The following MECOM variants were observed in gnomAD, a reference collection of about 807,000 sequenced individuals.
The protein encoded by MECOM is MDS1 and EVI1 complex locus.
MECOM carries 13 observed loss-of-function variants against 116.3 expected under a neutral mutation model. The observed-to-expected ratio is 0.11, with a 90% confidence interval of 0.07 to 0.18. The LOEUF is 0.18. Ranked by LOEUF, MECOM falls within the 10% of genes least tolerant of loss-of-function variation. MECOM has a pLI of 1.00. For missense variants in MECOM, 1,299 were observed against 1,509.0 expected (o/e 0.86, Z 2.31); for synonymous variants, 528 against 535.2 (o/e 0.99, Z 0.19).
At chr3:169,260,799 T>C (rs1757440225) in intron 2 of MECOM, among the ~76,000 whole-genome samples, 2 of 152,238 alleles carry the variant, frequency 1.3e-5, no homozygotes, top group South Asian at 4.1e-4. Context: ...TAAATATTTA[T>C]CCCTAAAGTT....
intron 1 of MECOM, among the ~76,000 whole-genome samples, chr3:169,485,915 G>T (rs1260239818): frequency 2.2e-5 from 1 of 45,628 alleles, no homozygotes; most frequent in African/African-American, 1.0e-4. Context: ...ATATATGTAT[G>T]TATATATAGT....
chr3:169,508,022 C>G (rs1344944503), intron 1 of MECOM, among the ~76,000 whole-genome samples: 1 of 152,072 alleles, frequency 6.6e-6, no homozygotes, highest in Non-Finnish European at 1.5e-5. Context: ...AATCACAGTT[C>G]AATCCATGGA....
chr3:169,528,360 T>C (rs1758195429), intron 1 of MECOM, among the ~76,000 whole-genome samples: 1 of 152,198 alleles, frequency 6.6e-6, no homozygotes, highest in Non-Finnish European at 1.5e-5. Flanking sequence ...ACTTGAAGAA[T>C]GAGTAAATCA....
At chr3:169,266,597 A>G (rs542643592) in intron 2 of MECOM, among the ~76,000 whole-genome samples, 5 of 152,334 alleles carry the variant, frequency 3.3e-5, no homozygotes, top group African/African-American at 9.6e-5. Context: ...GTTCAGAGAC[A>G]ATAGTTTCTT....
intron 2 of MECOM, among the ~76,000 whole-genome samples, chr3:169,200,841 A>G (rs1749050539): frequency 6.6e-6 from 1 of 151,950 alleles, no homozygotes; most frequent in Non-Finnish European, 1.5e-5. Flanking sequence ...AGACCTCCCT[A>G]CTCTGATGTG....
chr3:169,117,909 G>A (rs540169303), intron 7 of MECOM, among the ~76,000 whole-genome samples: 58 of 76,692 alleles, frequency 7.6e-4, no homozygotes, highest in African/African-American at 3.0e-3. Flanking sequence ...GCCACGTTAT[G>A]TGTGAGCTTA....
chr3:169,452,362 T>A (rs1432714242), intron 1 of MECOM, among the ~76,000 whole-genome samples: 1 of 152,212 alleles, frequency 6.6e-6, no homozygotes, highest in Non-Finnish European at 1.5e-5. Flanking sequence ...TAAGTTAACA[T>A]ATGGGAAATC....
chr3:169,164,530 T>G (rs1289457878), intron 2 of MECOM, among the ~76,000 whole-genome samples: 1 of 152,104 alleles, frequency 6.6e-6, no homozygotes, highest in Non-Finnish European at 1.5e-5. Flanking sequence ...GAGAGGCACT[T>G]CTTGGAAGTA....
intron 1 of MECOM, among the ~76,000 whole-genome samples, chr3:169,590,129 A>G (rs10936587): frequency 0.57 from 87,036 of 152,026 alleles, 25,507 homozygotes; most frequent in South Asian, 0.66. Context: ...TTTGTTTTGG[A>G]TTTCTATAAA....
chr3:169,378,255 G>A (rs1731389709), intron 2 of MECOM, among the ~76,000 whole-genome samples: 1 of 150,410 alleles, frequency 6.6e-6, no homozygotes. Flanking sequence ...AAACCACCAT[G>A]GCACGTGTAT....
At chr3:169,104,859 A>G (rs1472731653) in intron 10 of MECOM, among the ~76,000 whole-genome samples, 1 of 152,184 alleles carries the variant, frequency 6.6e-6, no homozygotes, top group African/African-American at 2.4e-5. Context: ...TTTACCTCAA[A>G]CTGTTTCGAT....
intron 1 of MECOM, among the ~76,000 whole-genome samples, chr3:169,574,005 T>C (rs1371201875): frequency 1.3e-5 from 2 of 152,196 alleles, no homozygotes; most frequent in Middle Eastern, 3.2e-3. Flanking sequence ...TATGTATGTA[T>C]GTAAGCAAAC....
intron 1 of MECOM, among the ~76,000 whole-genome samples, chr3:169,456,885 G>A (rs753965553): frequency 2.0e-5 from 3 of 152,142 alleles, no homozygotes; most frequent in Non-Finnish European, 4.4e-5. Flanking sequence ...TGTTCTCGCC[G>A]GGTGTGCTTT....
intron 1 of MECOM, among the ~76,000 whole-genome samples, chr3:169,569,749 T>G (rs983428602): frequency 6.6e-6 from 1 of 152,092 alleles, no homozygotes; most frequent in African/African-American, 2.4e-5. Context: ...ATAACACAAT[T>G]AAGGCAGAAA....
At chr3:169,661,806 C>A (rs1349412300) in intron 1 of MECOM, among the ~76,000 whole-genome samples, 2 of 152,136 alleles carry the variant, frequency 1.3e-5, no homozygotes, top group African/African-American at 4.8e-5. Context: ...CGGGGGGAGA[C>A]TGGGATTTCA....
At chr3:169,140,802 G>T (rs144654506) in intron 3 of MECOM, among the ~76,000 whole-genome samples, 1 of 90,430 alleles carries the variant, frequency 1.1e-5, no homozygotes, top group Non-Finnish European at 2.5e-5. Context: ...TGGTAACTGG[G>T]TTGCTTTCAT....
intron 1 of MECOM, among the ~76,000 whole-genome samples, chr3:169,648,637 G>T (rs1774473200): frequency 6.6e-6 from 1 of 152,232 alleles, no homozygotes; most frequent in African/African-American, 2.4e-5. Flanking sequence ...CATTGGCTTG[G>T]ATGCATACAC....
At chr3:169,655,021 G>A (rs1775370279) in intron 1 of MECOM, among the ~76,000 whole-genome samples, 1 of 152,272 alleles carries the variant, frequency 6.6e-6, no homozygotes. Context: ...TGGGCCTGCA[G>A]AATTTTTTAA....
chr3:169,111,250 T>C (rs1727287043), intron 9 of MECOM, among the ~76,000 whole-genome samples: 1 of 152,174 alleles, frequency 6.6e-6, no homozygotes, highest in Non-Finnish European at 1.5e-5. Context: ...CGTGAACCCA[T>C]AGCACTCAAT....
Sources: gnomAD v4.1 joint callset for allele counts (sites outside exome capture counted in the v4.1 genomes callset) on GRCh38, gnomAD v4.1.1 for gene constraint, MANE v1.5 for transcripts, NCBI Gene and HGNC (gene_info 2026-07-23, HGNC 2026-07-21) for gene names.